Variants in UPRT observed in about 807,000 individuals in gnomAD.
UPRT encodes the protein RP11-311P8.3.
A neutral mutation model predicts 22.6 loss-of-function variants in UPRT; 5 were observed. The observed-to-expected ratio is 0.22, with a 90% CI of 0.12 to 0.47. UPRT has a LOEUF of 0.47. Ranked by LOEUF, UPRT falls within the 20% of genes least tolerant of loss-of-function variation. The pLI, the probability that UPRT is intolerant of heterozygous loss-of-function variation, is 0.99. For missense variants in UPRT, 181 were observed against 239.9 expected (o/e 0.75, Z 1.62); for synonymous variants, 77 against 87.7 (o/e 0.88, Z 0.68).
intron 4 of UPRT, among the ~76,000 whole-genome samples, chrX:75,188,170 C>A (rs1403590392): frequency 1.8e-5 from 2 of 111,935 alleles, no homozygotes; most frequent in Non-Finnish European, 3.8e-5. Context: ...TACTTCTGGT[C>A]TTTGATGATG....
intron 4 of UPRT, among the ~76,000 whole-genome samples, chrX:75,223,204 T>C (rs1487106649): frequency 1.8e-5 from 2 of 109,661 alleles, no homozygotes; most frequent in African/African-American, 6.6e-5. Flanking sequence ...GCTAAGCTAG[T>C]GACCAAGTTG....
At chrX:75,246,937 G>T (rs1277481011) in intron 4 of UPRT, among the ~76,000 whole-genome samples, 1 of 111,901 alleles carries the variant, frequency 8.9e-6, no homozygotes, top group Non-Finnish European at 1.9e-5. Context: ...TTGAGAATAA[G>T]CATGTCACTT....
At chrX:75,275,981 G>A (rs1016046983) in intron 1 of UPRT, among the ~76,000 whole-genome samples, 1 of 111,670 alleles carries the variant, frequency 9.0e-6, no homozygotes, top group African/African-American at 3.3e-5. Context: ...TAAAATGTTG[G>A]GATTACAGGT....
At chrX:75,195,363 G>A (rs2082329973) in intron 4 of UPRT, among the ~76,000 whole-genome samples, 1 of 112,359 alleles carries the variant, frequency 8.9e-6, no homozygotes, top group Admixed American at 9.3e-5. Flanking sequence ...GGTTGAACTG[G>A]CACCATCTCA....
intron 4 of UPRT, among the ~76,000 whole-genome samples, chrX:75,229,328 TAAAC>T (rs1602462353): frequency 9.0e-6 from 1 of 110,984 alleles, no homozygotes; most frequent in South Asian, 3.8e-4. Flanking sequence ...AAAAAGCAAA[TAAAC>T]AAACAGTAAC....
intron 4 of UPRT, among the ~76,000 whole-genome samples, chrX:75,207,295 G>A (rs373675559): frequency 8.9e-6 from 1 of 112,417 alleles, no homozygotes; most frequent in African/African-American, 3.2e-5. Flanking sequence ...AGGTAGTTCT[G>A]CCTGTTGAGA....
At chrX:75,279,010 A>T (rs2082642641) in intron 1 of UPRT, among the ~76,000 whole-genome samples, 1 of 111,329 alleles carries the variant, frequency 9.0e-6, no homozygotes, top group African/African-American at 3.3e-5. Flanking sequence ...CTCTTTTTTT[A>T]AAATACAAGT....
In UPRT at chrX:75,186,127, T is replaced by G. The variant is rs745572354; in HGVS notation, c.-447+18248T>G. ...AATTGTGATGTTAGGGTGTCAATTT[T>G]GGATCTTTCCTGCTTTCTCTTGTGG... On this transcript the variant is annotated intron_variant, in intron 4 of 13. Coordinates refer to the UPRT transcript ENST00000652605. Among the ~76,000 whole-genome samples, 477 of 111,583 alleles carry G rather than the reference T, an allele frequency of 4.3e-3. 2 individuals are homozygous for G. Among genetic ancestry groups the G allele is most frequent in the Non-Finnish European group, 7.1e-3 (374 of 52,973 alleles).
intron 4 of UPRT, among the ~76,000 whole-genome samples, chrX:75,221,249 CT>C (rs1395736669): frequency 9.3e-6 from 1 of 107,001 alleles, no homozygotes; most frequent in Admixed American, 1.0e-4. Flanking sequence ...AGCATTCTTT[CT>C]TTATTGTTGA....
chrX:75,244,297 T>G (rs767125974), intron 4 of UPRT, among the ~76,000 whole-genome samples: 2 of 112,009 alleles, frequency 1.8e-5, no homozygotes, highest in East Asian at 5.6e-4. Context: ...GTAAGATTCC[T>G]GTATGGAAAA....
chrX:75,300,012 A>C (rs1421772080), intron 5 of UPRT, 116 bp downstream of exon 5: 1 of 927,387 alleles, frequency 1.1e-6, no homozygotes, highest in Non-Finnish European at 1.5e-6. Flanking sequence ...TTTTTTTCTC[A>C]GTTGGGAAAA....
At chrX:75,175,640 C>A (rs746491237) in intron 4 of UPRT, among the ~76,000 whole-genome samples, 2 of 112,060 alleles carry the variant, frequency 1.8e-5, no homozygotes, top group Admixed American at 9.4e-5. Context: ...ACCCAGGGAA[C>A]CTTCGTCCTC....
At chrX:75,251,618 G>T (rs1011978602) in intron 4 of UPRT, among the ~76,000 whole-genome samples, 129 of 111,722 alleles carry the variant, frequency 1.2e-3, no homozygotes, top group African/African-American at 4.0e-3. Flanking sequence ...AATGAATGTC[G>T]TGAAAATGGC....
chrX:75,218,846 C>A (rs1287929943), intron 4 of UPRT, among the ~76,000 whole-genome samples: 4 of 108,805 alleles, frequency 3.7e-5, no homozygotes, highest in Non-Finnish European at 7.6e-5. Flanking sequence ...AATGAGAACA[C>A]ATGGACACAG....
At chrX:75,275,309 A>G (rs1240496355) in intron 1 of UPRT, among the ~76,000 whole-genome samples, 1 of 112,280 alleles carries the variant, frequency 8.9e-6, no homozygotes, top group Non-Finnish European at 1.9e-5. Flanking sequence ...TCATGTTAAA[A>G]TGTAATTTTG....
intron 4 of UPRT, among the ~76,000 whole-genome samples, chrX:75,229,364 A>C (rs749816300): frequency 7.5e-4 from 84 of 112,185 alleles, no homozygotes; most frequent in Non-Finnish European, 1.5e-3. Context: ...TTAAAGAAAA[A>C]ATTTTGAAAG....
At chrX:75,289,440 T>C (rs1469067418) in intron 1 of UPRT, among the ~76,000 whole-genome samples, 1 of 26,193 alleles carries the variant, frequency 3.8e-5, no homozygotes, top group African/African-American at 4.9e-5. Context: ...TTGCTCAGAA[T>C]TGGAAAAAAA....
intron 2 of UPRT, among the ~76,000 whole-genome samples, chrX:75,161,597 A>T (rs1038226989): frequency 5.4e-5 from 6 of 112,089 alleles, no homozygotes; most frequent in African/African-American, 1.6e-4. Flanking sequence ...CGAGTGCTTC[A>T]TCTGTAACAG....
chrX:75,185,847 T>G (rs2082288377), intron 4 of UPRT, among the ~76,000 whole-genome samples: 1 of 111,853 alleles, frequency 8.9e-6, no homozygotes, highest in South Asian at 3.8e-4. Context: ...AGTTTGTATT[T>G]CTGTGGGATT....
Sources: allele counts gnomAD v4.1 joint callset (sites outside exome capture counted in the v4.1 genomes callset), GRCh38; gene constraint gnomAD v4.1.1; transcripts MANE v1.5; gene names NCBI Gene and HGNC (gene_info 2026-07-23, HGNC 2026-07-21).